SLC17A1: variants seen among roughly 807,000 people sequenced by gnomAD.
SLC17A1 encodes the protein solute carrier family 17 member 1.
In SLC17A1, 51 loss-of-function variants were observed where a neutral mutation model predicts 53.5. The ratio of observed to expected loss-of-function variants is 0.95; its 90% CI spans 0.76 to 1.20. The LOEUF is 1.20. SLC17A1 is among the 50% of genes most tolerant of loss of function. The probability of loss-of-function intolerance (pLI) is 0.00; values close to 1 mark genes in which losing one functional copy is unlikely to be tolerated. For synonymous variants in SLC17A1, 179 were observed against 198.8 expected, an observed-to-expected ratio of 0.90 and a Z score of 0.84; for missense variants, 538 against 568.2, an observed-to-expected ratio of 0.95 and a Z score of 0.54.
chr6:25,819,806 G>C lies in SLC17A1; in HGVS notation c.317C>G (p.Ser106Cys). ...TGCAAAGCCAATCATTTTCTTTGTA[G>C]AATATATTCCAGAGAAGTATCCAAC... is the stretch of plus-strand genomic sequence containing the variant. ...VPVGYFSGIY[S>C]TKKMIGFALC... Residue 106 changes from serine (S) to cysteine (C), a missense_variant, in exon 4 of 13, where the codon TCT becomes TGT. Physicochemically the swap from Ser to Cys is moderately radical, Grantham distance 112. Transcript: ENST00000244527. The C allele has an allele frequency of 6.2e-7, 1 of 1,614,076 alleles. No individual in the cohort carries two copies.
intron 2 of SLC17A1, 117 bp from the exon 3 acceptor site, chr6:25,826,750 G>T: frequency 1.8e-6 from 1 of 545,482 alleles, no homozygotes; most frequent in South Asian, 4.9e-5. Context: ...AAATTTTATT[G>T]TACTTAATGA....
chr6:25,824,174 C>T (rs1026483740), intron 3 of SLC17A1, among the ~76,000 whole-genome samples: 9 of 151,658 alleles, frequency 5.9e-5, no homozygotes, highest in Admixed American at 5.9e-4. Context: ...TTGGGTTATG[C>T]AAAGATTTCT....
the SLC17A1 span, among the ~76,000 whole-genome samples, chr6:25,769,648 G>A: frequency 6.6e-6 from 1 of 152,086 alleles, no homozygotes; most frequent in African/African-American, 2.4e-5. Flanking sequence ...TAGTGCATAT[G>A]AGTGTAACCA....
At chr6:25,811,052 A>G (rs1764136530) in intron 10 of SLC17A1, among the ~76,000 whole-genome samples, 1 of 152,276 alleles carries the variant, frequency 6.6e-6, no homozygotes, top group South Asian at 2.1e-4. Context: ...ACAAAATTGG[A>G]CTTAGAATTA....
At chr6:25,726,487 T>G in the SLC17A1 span, 3 of 1,612,766 alleles carry the variant, frequency 1.9e-6, no homozygotes, top group African/African-American at 4.0e-5. Flanking sequence ...AGACTTAGAC[T>G]TGGCGCGTGC....
chr6:25,727,298 C>T, the SLC17A1 span: 1 of 1,581,042 alleles, frequency 6.3e-7, no homozygotes, highest in Admixed American at 1.8e-5. Context: ...AGTAAGCCTG[C>T]TAAGTAAACG....
At chr6:25,801,473 G>A (rs776267469) in intron 10 of SLC17A1, among the ~76,000 whole-genome samples, 2 of 152,182 alleles carry the variant, frequency 1.3e-5, no homozygotes, top group Non-Finnish European at 2.9e-5. Flanking sequence ...AATTCCAGCA[G>A]AAAATTAGCT....
the SLC17A1 span, among the ~76,000 whole-genome samples, chr6:25,758,663 T>A: frequency 6.6e-6 from 1 of 152,248 alleles, no homozygotes; most frequent in South Asian, 2.1e-4. Flanking sequence ...AAATTGAGCT[T>A]ATTTGGATCT....
intron 10 of SLC17A1, among the ~76,000 whole-genome samples, chr6:25,808,340 G>A (rs1764029832): frequency 6.6e-6 from 1 of 151,900 alleles, no homozygotes; most frequent in African/African-American, 2.4e-5. Context: ...TGGAGACTGA[G>A]AGGGGAGAAA....
the SLC17A1 span, among the ~76,000 whole-genome samples, chr6:25,763,865 T>G: frequency 5.3e-5 from 8 of 152,206 alleles, no homozygotes; most frequent in Admixed American, 5.2e-4. Context: ...TCCATGAGCT[T>G]CTTTCTGTAT....
intron 6 of SLC17A1, among the ~76,000 whole-genome samples, chr6:25,818,041 G>T (rs1764422683): frequency 6.6e-6 from 1 of 152,118 alleles, no homozygotes; most frequent in Admixed American, 6.5e-5. Flanking sequence ...TGTCCCCCTA[G>T]ATGTACTCCT....
At chr6:25,761,633 A>G in the SLC17A1 span, among the ~76,000 whole-genome samples, 1 of 152,174 alleles carries the variant, frequency 6.6e-6, no homozygotes, top group African/African-American at 2.4e-5. Context: ...TGATACTAGT[A>G]TCAATTTAGA....
At chr6:25,739,399 A>C in the SLC17A1 span, among the ~76,000 whole-genome samples, 1 of 152,182 alleles carries the variant, frequency 6.6e-6, no homozygotes, top group African/African-American at 2.4e-5. Flanking sequence ...TTAGAATTTC[A>C]ACATGTGAAT....
At chr6:25,766,191 T>C in the SLC17A1 span, among the ~76,000 whole-genome samples, 8 of 151,126 alleles carry the variant, frequency 5.3e-5, no homozygotes, top group Non-Finnish European at 1.0e-4. Context: ...TTTATGTTTC[T>C]AATTTATAAA....
At chr6:25,775,208 T>C in the SLC17A1 span, among the ~76,000 whole-genome samples, 2 of 151,976 alleles carry the variant, frequency 1.3e-5, no homozygotes, top group Admixed American at 6.6e-5. Flanking sequence ...GGCATCTGCC[T>C]GTAGTCCCAG....
At chr6:25,776,206 T>A in the SLC17A1 span, among the ~76,000 whole-genome samples, 1 of 152,178 alleles carries the variant, frequency 6.6e-6, no homozygotes, top group Non-Finnish European at 1.5e-5. Flanking sequence ...CTCACCATAG[T>A]TTTACTTTGT....
intron 3 of SLC17A1, among the ~76,000 whole-genome samples, chr6:25,821,734 A>G (rs1269140994): frequency 6.6e-6 from 1 of 152,084 alleles, no homozygotes; most frequent in African/African-American, 2.4e-5. Flanking sequence ...TACTCACACC[A>G]GAAAGATAAA....
At chr6:25,730,589 T>A in the SLC17A1 span, among the ~76,000 whole-genome samples, 1 of 152,210 alleles carries the variant, frequency 6.6e-6, no homozygotes, top group Non-Finnish European at 1.5e-5. Context: ...ATGCTGATTA[T>A]AGTTGGTAAC....
chr6:25,825,519 A>T (rs990391730), intron 3 of SLC17A1, among the ~76,000 whole-genome samples: 2 of 151,852 alleles, frequency 1.3e-5, no homozygotes, highest in Admixed American at 1.3e-4. Context: ...TGTAATTCTT[A>T]TATTTGTTCC....
Sources: allele counts gnomAD v4.1 joint callset (sites outside exome capture counted in the v4.1 genomes callset), GRCh38; gene constraint gnomAD v4.1.1; transcripts MANE v1.5; gene names NCBI Gene and HGNC (gene_info 2026-07-23, HGNC 2026-07-21).